Variants in SPATA13 observed in about 807,000 individuals in gnomAD.
SPATA13 encodes spermatogenesis-associated protein 13.
In SPATA13, 50 loss-of-function variants were observed where a neutral mutation model predicts 104.0. The observed-to-expected ratio is 0.48, with a 90% CI of 0.38 to 0.61. SPATA13 has a LOEUF of 0.61. SPATA13 is among the 20% of genes least tolerant of loss of function. The pLI is 0.00. For missense variants in SPATA13, 1,524 were observed against 1,690.6 expected (o/e 0.90, Z 1.73); for synonymous variants, 606 against 667.5 (o/e 0.91, Z 1.42).
chr13:24,008,172 G>T (rs1876315295), intron 2 of SPATA13, among the ~76,000 whole-genome samples: 1 of 152,212 alleles, frequency 6.6e-6, no homozygotes, highest in African/African-American at 2.4e-5. Flanking sequence ...GTGCCCTCGG[G>T]TCATTTATTG....
At chr13:24,076,070 CG>C (rs1458214760) in intron 3 of SPATA13, among the ~76,000 whole-genome samples, 11 of 152,296 alleles carry the variant, frequency 7.2e-5, no homozygotes, top group Admixed American at 6.5e-4. Flanking sequence ...CACGGAAACA[CG>C]TTTCCCCACT....
chr13:24,017,319 C>T (rs9510996), intron 2 of SPATA13, among the ~76,000 whole-genome samples: 1 of 152,250 alleles, frequency 6.6e-6, no homozygotes, highest in Non-Finnish European at 1.5e-5. Context: ...GTGGTGGACC[C>T]GAACCAGAAC....
At chr13:24,156,805 A>G (rs1882269492), upstream of SPATA13, among the ~76,000 whole-genome samples, 1 of 152,214 alleles carries the variant, frequency 6.6e-6, no homozygotes, top group Non-Finnish European at 1.5e-5. Context: ...AAGTGAGGTT[A>G]TGAAGTTTTC....
chr13:24,012,387 G>A lies in SPATA13; in HGVS notation c.-146-5280G>A, dbSNP rs9510992. 2.0e-3 allele frequency among the ~76,000 whole-genome samples: 310 copies of A among 152,204 alleles called. 4 individuals carry two copies. The highest frequency in any genetic ancestry group is 7.3e-3 in the African/African-American group (302 of 41,552). On this transcript the variant is annotated intron_variant, in intron 2 of 14. Transcript: ENST00000424834. ...AGGGGGACATCACCAGCAGATGCTC[G>A]TGGTTGGTCAGTATCTTGAGAAGTA...
intron 1 of SPATA13, among the ~76,000 whole-genome samples, chr13:24,191,321 A>G (rs1279933437): frequency 1.3e-5 from 2 of 151,928 alleles, no homozygotes; most frequent in South Asian, 2.1e-4. Context: ...ACATAATGCT[A>G]TTACACACAT....
At position 24,305,227 on chromosome 13, in the gene SPATA13, T is replaced by C. The variant is rs2138789836; in HGVS notation, c.*2454T>C. Reference sequence around the variant, plus strand: ...CCTAATTTATTTTCCAGCTGAGCCCTAACTTCCGGCTCCCACCTACCTCCA... The same window carrying C: ...CCTAATTTATTTTCCAGCTGAGCCCCAACTTCCGGCTCCCACCTACCTCCA... On this transcript the variant is annotated 3_prime_UTR_variant, in exon 13 of 13. Coordinates refer to ENST00000382108, the MANE Select transcript of SPATA13 (RefSeq NM_001166271.3). 1 of 152,286 alleles carries C rather than the reference T, an allele frequency of 6.6e-6. No homozygotes were observed. Among genetic ancestry groups the C allele is most frequent in the Middle Eastern group, 3.4e-3 (1 of 294 alleles). The allele number at this position is 152,286 out of a possible 1,614,324, so 9.4% of individuals were successfully genotyped here.
intron 1 of SPATA13, among the ~76,000 whole-genome samples, chr13:24,220,260 T>C (rs1352479013): frequency 6.6e-6 from 1 of 152,194 alleles, no homozygotes; most frequent in African/African-American, 2.4e-5. Context: ...TTCCCATGTC[T>C]TGGGCCCTTG....
intron 1 of SPATA13, among the ~76,000 whole-genome samples, chr13:24,182,778 G>T (rs2138527198): frequency 6.6e-6 from 1 of 152,082 alleles, no homozygotes; most frequent in East Asian, 1.9e-4. Flanking sequence ...TAGTAATTTT[G>T]TTCTGCTGGG....
rs1363757205 is a variant in SPATA13, at chr13:24,307,009, A to AT, written c.*4243dup. 1.3e-5 allele frequency: 2 copies of AT among 152,228 alleles called. No homozygotes were observed. The highest frequency in any genetic ancestry group is 4.8e-5 in the African/African-American group (2 of 41,454). 9.4% of individuals were successfully genotyped at this position (152,228 alleles called of 1,614,324 possible). The stretch of plus-strand genomic sequence containing the variant: ...AATTATTTACAATGTTATTTGAATG[A>AT]TTTTTTTAAATGCTGTGAATCTATA... On this transcript the variant is annotated 3_prime_UTR_variant, in exon 13 of 13. Transcript: ENST00000382108.
intron 3 of SPATA13, among the ~76,000 whole-genome samples, chr13:24,131,699 C>T (rs991790560): frequency 6.6e-6 from 1 of 152,210 alleles, no homozygotes; most frequent in Admixed American, 6.5e-5. Context: ...GCTCTAACAT[C>T]TATCTGAGGA....
intron 1 of SPATA13, among the ~76,000 whole-genome samples, chr13:24,178,804 C>T (rs1868605150): frequency 6.6e-6 from 1 of 152,062 alleles, no homozygotes; most frequent in African/African-American, 2.4e-5. Context: ...TGTAACGCAT[C>T]CATTTAAAGT....
In SPATA13 at chr13:24,294,861, G is replaced by C. The variant is rs1490677896; in HGVS notation, c.3203G>C (p.Gly1068Ala). 1 of 1,606,416 alleles carries C rather than the reference G, an allele frequency of 6.2e-7. No individual in the cohort carries two copies. Among genetic ancestry groups the C allele is most frequent in the South Asian group, 1.1e-5 (1 of 90,860 alleles). Residue 1068 changes from glycine (G) to alanine (A), a missense_variant, in exon 10 of 13, where the codon GGC (glycine) becomes GCC (alanine). By Grantham distance (60) the Gly-to-Ala change is moderately conservative. This residue lies in a region of SPATA13 where 435 missense variants were observed against 554.8 expected (regional missense o/e 0.78). Transcript: ENST00000382108. ...GCTCGCTGGCAGGTGTCTATCGTGG[G>C]CTGGGAGGTAAGTGGAAAGCACCCC... ...KIARWQVSIVGWEGLDILDRS... is the reference protein window; with the variant it reads ...KIARWQVSIVAWEGLDILDRS...
chr13:24,194,640 A>G (rs9507269), intron 1 of SPATA13, among the ~76,000 whole-genome samples: 65,143 of 152,078 alleles, frequency 0.43, 16,118 homozygotes, highest in Non-Finnish European at 0.56. Flanking sequence ...TTCACCACTC[A>G]CCGACTGGTC....
At position 24,190,343 on chromosome 13, in the gene SPATA13, AT is replaced by A. The variant is rs1869639576; in HGVS notation, c.-112+29412del. On this transcript the variant is annotated intron_variant, in intron 1 of 12. Coordinates refer to ENST00000382108, the MANE Select transcript of SPATA13 (RefSeq NM_001166271.3). ...AATATTATATATTATTATATATAATATATAATATTATATATTATTATATATA... is the reference window on the plus strand; with the variant it reads ...AATATTATATATTATTATATATAATAATAATATTATATATTATTATATATA... Among the ~76,000 whole-genome samples the A allele has an allele frequency of 2.2e-4, 2 of 9,264 alleles. 1 individual carries two copies. Among genetic ancestry groups the A allele is most frequent in the African/African-American group, 2.4e-4 (2 of 8,266 alleles). 6.1% of individuals were successfully genotyped at this position (9,264 alleles called of 152,430 possible). A position where few individuals can be genotyped will look rare whatever the true frequency, so the allele number is the denominator to read the frequency against.
chr13:24,162,121 T>C (rs1007483949), intron 1 of SPATA13, among the ~76,000 whole-genome samples: 1 of 152,242 alleles, frequency 6.6e-6, no homozygotes, highest in African/African-American at 2.4e-5. Flanking sequence ...TAGAGTTTCA[T>C]GTGGCTTTGT....
rs569260793 is a variant in SPATA13 at position 24,021,342 on chromosome 13, G to T, written c.-112+3641G>T. On this transcript the variant is annotated intron_variant, in intron 3 of 14. Coordinates refer to the SPATA13 transcript ENST00000424834. ...CATAAAGATGATTAAGAGAATATCA[G>T]GCATAGGGCAGACAGTGAGTTGCAC... is the stretch of plus-strand genomic sequence containing the variant. 5.9e-5 allele frequency among the ~76,000 whole-genome samples: 9 copies of T among 152,258 alleles called. No homozygotes were observed. The East Asian group carries it at 1.7e-3, about 29-fold the overall frequency.
chr13:24,074,096 G>C (rs965346055), intron 3 of SPATA13, among the ~76,000 whole-genome samples: 1 of 152,260 alleles, frequency 6.6e-6, no homozygotes, highest in Admixed American at 6.5e-5. Context: ...AATGTTAAGT[G>C]CATTCACATT....
chr13:24,040,672 A>T (rs1877888792), intron 3 of SPATA13, among the ~76,000 whole-genome samples: 1 of 152,140 alleles, frequency 6.6e-6, no homozygotes, highest in Admixed American at 6.5e-5. Flanking sequence ...ACTTGAGGAG[A>T]ATCCAACTAG....
intron 1 of SPATA13, among the ~76,000 whole-genome samples, chr13:24,168,430 A>G (rs1882832199): frequency 1.3e-5 from 2 of 152,244 alleles, no homozygotes; most frequent in Admixed American, 1.3e-4. Flanking sequence ...CCAGCTTCCA[A>G]GTAACCACTT....
Sources: gnomAD v4.1 joint callset for allele counts (sites outside exome capture counted in the v4.1 genomes callset) on GRCh38, gnomAD v4.1.1 for gene constraint, gnomAD v4.1.1 regional missense constraint, MANE v1.5 for transcripts, NCBI Gene and HGNC (gene_info 2026-07-23, HGNC 2026-07-21) for gene names.